Variants in ACVR1C observed in about 807,000 individuals in gnomAD.
ACVR1C encodes activin receptor type-1C.
Under a neutral mutation model 57.9 loss-of-function variants are expected in ACVR1C, and 23 were observed. The observed-to-expected ratio is 0.40, with a 90% CI of 0.29 to 0.56. The LOEUF (loss-of-function observed/expected upper bound fraction) is 0.56, where lower values mean the gene tolerates loss of function less well. ACVR1C is among the 20% of genes least tolerant of loss of function. The probability of loss-of-function intolerance (pLI) is 0.50; values close to 1 mark genes in which losing one functional copy is unlikely to be tolerated. For synonymous variants in ACVR1C, 214 were observed against 215.3 expected (o/e 0.99, Z 0.05); for missense variants, 480 against 607.9 (o/e 0.79, Z 2.21).
intron 1 of ACVR1C, among the ~76,000 whole-genome samples, chr2:157,605,529 C>T (rs193187362): frequency 3.3e-5 from 5 of 151,824 alleles, no homozygotes; most frequent in Non-Finnish European, 5.9e-5. Flanking sequence ...TAGTACAATA[C>T]GTCCTCAATA....
chr2:157,624,413 A>C (rs1174707817), intron 1 of ACVR1C, among the ~76,000 whole-genome samples: 1 of 152,256 alleles, frequency 6.6e-6, no homozygotes, highest in Non-Finnish European at 1.5e-5. Context: ...ACTGCCTGAA[A>C]GCATTTCCCC....
At chr2:157,579,610 C>G (rs1688737836) in intron 2 of ACVR1C, among the ~76,000 whole-genome samples, 1 of 152,132 alleles carries the variant, frequency 6.6e-6, no homozygotes, top group African/African-American at 2.4e-5. Flanking sequence ...ATATGTGAAG[C>G]CATCATCTGT....
chr2:157,625,528 C>T (rs1376039695), intron 1 of ACVR1C, among the ~76,000 whole-genome samples: 1 of 141,528 alleles, frequency 7.1e-6, no homozygotes, highest in Non-Finnish European at 1.5e-5. Context: ...TGAGCTTTCA[C>T]TTTCACTTCC....
In ACVR1C at chr2:157,528,871, T is replaced by C. The variant is rs942992019; in HGVS notation, c.*5047A>G. On this transcript the variant is annotated 3_prime_UTR_variant, in exon 9 of 9. Transcript: ENST00000243349. ...AAATGAAGGATTACTGGAGAAGTTA[T>C]GAGGTGAAACCTCTTATACAGAGAA... 6.6e-6 allele frequency: 1 copy of C among 152,180 alleles called. No individual in the cohort carries two copies. The highest frequency in any genetic ancestry group is 2.4e-5 in the African/African-American group (1 of 41,458). The allele number at this position is 152,180 out of a possible 1,614,324, so 9.4% of individuals were successfully genotyped here. A position where few individuals can be genotyped will look rare whatever the true frequency, so the allele number is the denominator to read the frequency against.
At chr2:157,586,326 A>G (rs987773485) in intron 2 of ACVR1C, among the ~76,000 whole-genome samples, 3 of 152,118 alleles carry the variant, frequency 2.0e-5, no homozygotes, top group Admixed American at 1.3e-4. Flanking sequence ...TTAGTGGTAT[A>G]CTGATATGAT....
intron 1 of ACVR1C, among the ~76,000 whole-genome samples, chr2:157,593,623 T>C (rs987933167): frequency 6.6e-6 from 1 of 152,142 alleles, no homozygotes; most frequent in Admixed American, 6.5e-5. Flanking sequence ...ATATGAAAAG[T>C]ACAGCAGCAG....
chr2:157,594,243 A>G (rs1439579595), intron 1 of ACVR1C, among the ~76,000 whole-genome samples: 2 of 152,166 alleles, frequency 1.3e-5, no homozygotes, highest in Admixed American at 1.3e-4. Flanking sequence ...GACTTTAGAC[A>G]TGTTCCCCAA....
At chr2:157,612,099 C>T (rs995757034) in intron 1 of ACVR1C, among the ~76,000 whole-genome samples, 1 of 152,180 alleles carries the variant, frequency 6.6e-6, no homozygotes, top group Non-Finnish European at 1.5e-5. Flanking sequence ...ATTCAGGCCA[C>T]ACACCAGAGT....
intron 2 of ACVR1C, among the ~76,000 whole-genome samples, chr2:157,580,681 CAG>C: frequency 6.6e-6 from 1 of 151,804 alleles, no homozygotes; most frequent in Middle Eastern, 3.4e-3. Context: ...AGTACAAATC[CAG>C]AGAGGGGATT....
At chr2:157,577,016 G>A (rs1688675484) in intron 2 of ACVR1C, among the ~76,000 whole-genome samples, 1 of 95,060 alleles carries the variant, frequency 1.1e-5, no homozygotes, top group Non-Finnish European at 2.2e-5. Context: ...CACCGCGCCC[G>A]GCTAATTTTT....
intron 1 of ACVR1C, among the ~76,000 whole-genome samples, chr2:157,602,339 C>T (rs1682297558): frequency 6.6e-6 from 1 of 151,996 alleles, no homozygotes; most frequent in Admixed American, 6.6e-5. Context: ...ATAATCAAAA[C>T]AGAAAATTAA....
At chr2:157,611,391 C>T (rs1419854657) in intron 1 of ACVR1C, among the ~76,000 whole-genome samples, 1 of 152,040 alleles carries the variant, frequency 6.6e-6, no homozygotes, top group Non-Finnish European at 1.5e-5. Context: ...CCAGGTGGGT[C>T]GGTCTTTAGG....
At chr2:157,606,921 C>G (rs1280431458) in intron 1 of ACVR1C, among the ~76,000 whole-genome samples, 2 of 151,720 alleles carry the variant, frequency 1.3e-5, no homozygotes, top group African/African-American at 4.8e-5. Flanking sequence ...CCTGTGTTTT[C>G]TTCTAGTAGT....
chr2:157,575,729 TC>T (rs1688629605), intron 2 of ACVR1C, among the ~76,000 whole-genome samples: 1 of 152,212 alleles, frequency 6.6e-6, no homozygotes, highest in South Asian at 2.1e-4. Flanking sequence ...GTCTAAGTTC[TC>T]CCGTGAAATG....
chr2:157,555,622 T>C (rs1212100534), intron 3 of ACVR1C, among the ~76,000 whole-genome samples: 4 of 152,206 alleles, frequency 2.6e-5, no homozygotes, highest in Non-Finnish European at 4.4e-5. Context: ...GGGGTGTCTA[T>C]AGATTCTGAA....
At chr2:157,537,170 T>C (rs1161280752) in intron 8 of ACVR1C, among the ~76,000 whole-genome samples, 1 of 152,038 alleles carries the variant, frequency 6.6e-6, no homozygotes, top group Non-Finnish European at 1.5e-5. Context: ...TCTGGATATA[T>C]GTATATATTC....
At chr2:157,605,436 T>C (rs944028425) in intron 1 of ACVR1C, among the ~76,000 whole-genome samples, 25 of 151,760 alleles carry the variant, frequency 1.6e-4, no homozygotes, top group African/African-American at 5.8e-4. Flanking sequence ...CCTGCTGAGA[T>C]TTTGACTGAA....
chr2:157,610,695 G>A (rs936265939), intron 1 of ACVR1C, among the ~76,000 whole-genome samples: 4 of 151,984 alleles, frequency 2.6e-5, no homozygotes, highest in African/African-American at 9.7e-5. Flanking sequence ...TCCCTTTATT[G>A]TGTCCCATAT....
At chr2:157,548,651 C>G (rs902582084) in intron 4 of ACVR1C, among the ~76,000 whole-genome samples, 1 of 151,808 alleles carries the variant, frequency 6.6e-6, no homozygotes, top group Non-Finnish European at 1.5e-5. Flanking sequence ...TGATCTTTGA[C>G]AAACCTGAGA....
Sources: gnomAD v4.1 joint callset for allele counts (sites outside exome capture counted in the v4.1 genomes callset) on GRCh38, gnomAD v4.1.1 for gene constraint, MANE v1.5 for transcripts, NCBI Gene and HGNC (gene_info 2026-07-23, HGNC 2026-07-21) for gene names.